MACROD2: variants seen among roughly 807,000 people sequenced by gnomAD.
The protein encoded by MACROD2 is mono-ADP ribosylhydrolase 2.
MACROD2 carries 36 observed loss-of-function variants against 70.4 expected under a neutral mutation model. The observed-to-expected ratio is 0.51, with a 90% CI of 0.39 to 0.68. The LOEUF (loss-of-function observed/expected upper bound fraction) is 0.68, where lower values mean the gene tolerates loss of function less well. Among genes scored for constraint, MACROD2 ranks in the 30% least tolerant of loss-of-function variants. MACROD2 has a pLI of 0.00. For missense variants in MACROD2, 496 were observed against 538.4 expected, an observed-to-expected ratio of 0.92 and a Z score of 0.78; for synonymous variants, 172 against 178.8, an observed-to-expected ratio of 0.96 and a Z score of 0.30.
chr20:15,070,115 G>C (rs2075607590), intron 5 of MACROD2, among the ~76,000 whole-genome samples: 1 of 152,152 alleles, frequency 6.6e-6, no homozygotes, highest in Non-Finnish European at 1.5e-5. Flanking sequence ...AGTGTGCTTA[G>C]GATGAAGAGC....
chr20:15,301,315 C>T (rs2077640161), intron 6 of MACROD2, among the ~76,000 whole-genome samples: 1 of 152,176 alleles, frequency 6.6e-6, no homozygotes, highest in Admixed American at 6.5e-5. Context: ...GAGGACTGGT[C>T]AGAAGGCCTC....
At chr20:15,716,370 ATTC>A in intron 8 of MACROD2, among the ~76,000 whole-genome samples, 1 of 152,320 alleles carries the variant, frequency 6.6e-6, no homozygotes, top group Admixed American at 6.5e-5. Flanking sequence ...GACATGGTCG[ATTC>A]TAGATATGTG....
chr20:15,506,431 A>G (rs1039567726), intron 8 of MACROD2, among the ~76,000 whole-genome samples: 1 of 152,228 alleles, frequency 6.6e-6, no homozygotes, highest in African/African-American at 2.4e-5. Context: ...GAACACAGCC[A>G]CTTGTTTCCT....
chr20:15,550,810 G>A (rs1050350996), intron 8 of MACROD2, among the ~76,000 whole-genome samples: 13 of 152,130 alleles, frequency 8.5e-5, no homozygotes, highest in Admixed American at 2.6e-4. Context: ...AACAACCCCA[G>A]CAATTTCTCA....
At chr20:15,700,742 G>C (rs2050445618) in intron 8 of MACROD2, among the ~76,000 whole-genome samples, 1 of 152,156 alleles carries the variant, frequency 6.6e-6, no homozygotes, top group Non-Finnish European at 1.5e-5. Context: ...GCAAGCCATG[G>C]CCTGCTTTGT....
At chr20:15,446,937 CAG>C (rs1190853330) in intron 7 of MACROD2, among the ~76,000 whole-genome samples, 5 of 152,098 alleles carry the variant, frequency 3.3e-5, no homozygotes, top group African/African-American at 1.2e-4. Context: ...CAGGATAAAA[CAG>C]TGATATGCAT....
chr20:15,004,950 G>A (rs866643357), intron 5 of MACROD2, among the ~76,000 whole-genome samples: 3 of 152,246 alleles, frequency 2.0e-5, no homozygotes, highest in Admixed American at 1.3e-4. Context: ...TCCAAAGTTG[G>A]AATATTGTGG....
intron 5 of MACROD2, among the ~76,000 whole-genome samples, chr20:14,807,555 T>G (rs896648293): frequency 6.6e-6 from 1 of 152,062 alleles, no homozygotes; most frequent in African/African-American, 2.4e-5. Flanking sequence ...TCAGAACTCC[T>G]TGCCAATAAG....
At chr20:15,320,956 A>AG (rs1760281862) in intron 6 of MACROD2, among the ~76,000 whole-genome samples, 1 of 152,208 alleles carries the variant, frequency 6.6e-6, no homozygotes, top group Non-Finnish European at 1.5e-5. Context: ...GATTTGGGTG[A>AG]GGAAAAAAAC....
intron 12 of MACROD2, among the ~76,000 whole-genome samples, chr20:15,952,922 A>G (rs550580683): frequency 1.3e-5 from 2 of 152,284 alleles, no homozygotes; most frequent in East Asian, 3.9e-4. Context: ...CTGATCTCAA[A>G]AGAATAGTTT....
At chr20:14,298,339 G>A (rs1239204702) in intron 3 of MACROD2, among the ~76,000 whole-genome samples, 4 of 151,698 alleles carry the variant, frequency 2.6e-5, no homozygotes, top group Admixed American at 6.6e-5. Context: ...AGGCTGAGGC[G>A]GCTGGATCAC....
intron 8 of MACROD2, among the ~76,000 whole-genome samples, chr20:15,683,736 G>A (rs1330965826): frequency 2.0e-5 from 3 of 151,870 alleles, no homozygotes; most frequent in Non-Finnish European, 4.4e-5. Context: ...GTACCACCAC[G>A]CCCAGCTAAT....
chr20:15,418,351 A>T (rs529567031), intron 6 of MACROD2, among the ~76,000 whole-genome samples: 9 of 152,128 alleles, frequency 5.9e-5, no homozygotes, highest in Non-Finnish European at 1.2e-4. Context: ...TCTCCCTCCT[A>T]ACAACTGTTC....
chr20:14,055,514 A>G (rs2053622166), intron 2 of MACROD2, among the ~76,000 whole-genome samples: 1 of 151,752 alleles, frequency 6.6e-6, no homozygotes, highest in African/African-American at 2.4e-5. Flanking sequence ...GAGCAAAAAA[A>G]AAAAAAAAAA....
intron 3 of MACROD2, among the ~76,000 whole-genome samples, chr20:14,206,656 CTT>C (rs566729087): frequency 1.1e-4 from 14 of 130,288 alleles, no homozygotes; most frequent in Admixed American, 3.1e-4. Flanking sequence ...TCCCATGAGG[CTT>C]TTTTTTTTTT....
rs938202262 is a variant in MACROD2, at chr20:16,048,280, G to C, written c.1301-1550G>C. Among the ~76,000 whole-genome samples the C allele has an allele frequency of 8.5e-5, 13 of 152,114 alleles. 1 individual carries two copies. Among genetic ancestry groups the C allele is most frequent in the Non-Finnish European group, 1.5e-4 (10 of 68,014 alleles). Reference sequence around the variant, plus strand: ...AATTAGCACTATGAGAACGTTAAGAGAGTAGGAAATTTTGAAGATTTTATA... The same window carrying C: ...AATTAGCACTATGAGAACGTTAAGACAGTAGGAAATTTTGAAGATTTTATA... On this transcript the variant is annotated intron_variant, in intron 17 of 17. Coordinates refer to ENST00000684519, the MANE Select transcript of MACROD2 (RefSeq NM_001351661.2).
At chr20:15,146,543 A>C (rs1398765231) in intron 5 of MACROD2, among the ~76,000 whole-genome samples, 1 of 152,152 alleles carries the variant, frequency 6.6e-6, no homozygotes, top group African/African-American at 2.4e-5. Flanking sequence ...CAATTAGAGC[A>C]GGGCGTAGTA....
chr20:14,867,971 T>A (rs1164181747), intron 5 of MACROD2, among the ~76,000 whole-genome samples: 1 of 152,070 alleles, frequency 6.6e-6, no homozygotes, highest in Non-Finnish European at 1.5e-5. Flanking sequence ...CAAAGTTCAG[T>A]GAAGGAGAGG....
chr20:15,124,758 C>T (rs190219706), intron 5 of MACROD2, among the ~76,000 whole-genome samples: 357 of 152,090 alleles, frequency 2.3e-3, no homozygotes, highest in Non-Finnish European at 3.9e-3. Context: ...CTTCCCCCAT[C>T]TCATTTCTTT....
Sources: allele counts gnomAD v4.1 joint callset (sites outside exome capture counted in the v4.1 genomes callset), GRCh38; gene constraint gnomAD v4.1.1; transcripts MANE v1.5; gene names NCBI Gene and HGNC (gene_info 2026-07-23, HGNC 2026-07-21).